SPMIP7: variants seen among roughly 807,000 people sequenced by gnomAD.
SPMIP7 encodes sperm microtubule inner protein 7.
chr7:50,100,550 C>T, the SPMIP7 span, among the ~76,000 whole-genome samples: 4 of 152,086 alleles, frequency 2.6e-5, no homozygotes, highest in Non-Finnish European at 4.4e-5. Context: ...CGGTGGCTCA[C>T]GCCTGTAATC....
the SPMIP7 span, chr7:50,120,312 G>A: frequency 6.6e-6 from 1 of 152,140 alleles, no homozygotes; most frequent in Non-Finnish European, 1.5e-5. Flanking sequence ...TATGGAACTT[G>A]AAGGTAATCC....
chr7:50,139,650 A>C, the SPMIP7 span, among the ~76,000 whole-genome samples: 1 of 152,238 alleles, frequency 6.6e-6, no homozygotes, highest in African/African-American at 2.4e-5. Context: ...GCACTGCCAC[A>C]TCTCAGAATT....
At chr7:50,124,203 G>A in the SPMIP7 span, among the ~76,000 whole-genome samples, 1 of 152,080 alleles carries the variant, frequency 6.6e-6, no homozygotes, top group Non-Finnish European at 1.5e-5. Flanking sequence ...AATCATAAAT[G>A]TATATGCATC....
the SPMIP7 span, among the ~76,000 whole-genome samples, chr7:50,119,155 T>C: frequency 2.0e-5 from 3 of 152,098 alleles, no homozygotes; most frequent in Admixed American, 2.0e-4. Flanking sequence ...GAAGAGACCA[T>C]ACCAAGTTCT....
chr7:50,152,471 A>G, the SPMIP7 span, among the ~76,000 whole-genome samples: 1,196 of 152,310 alleles, frequency 7.9e-3, 11 homozygotes, highest in Admixed American at 0.017. Context: ...AAAGCACCTG[A>G]TGGAATTCCT....
At chr7:50,121,605 T>C in the SPMIP7 span, among the ~76,000 whole-genome samples, 1 of 152,186 alleles carries the variant, frequency 6.6e-6, no homozygotes. Context: ...CACGAATCTT[T>C]TTTTTCTGCC....
chr7:50,096,041 A>G, the SPMIP7 span: 6 of 1,245,498 alleles, frequency 4.8e-6, no homozygotes, highest in South Asian at 9.3e-5. Context: ...TAAAGGAATT[A>G]TCAGAAATAC....
At chr7:50,112,288 T>C in the SPMIP7 span, among the ~76,000 whole-genome samples, 12 of 152,234 alleles carry the variant, frequency 7.9e-5, no homozygotes, top group East Asian at 2.1e-3. Flanking sequence ...TTGGAGGTCC[T>C]GAAGAGCAAA....
At chr7:50,125,115 T>TATATATATATATATACACAC in the SPMIP7 span, among the ~76,000 whole-genome samples, 3 of 25,420 alleles carry the variant, frequency 1.2e-4, no homozygotes, top group South Asian at 3.4e-3. Flanking sequence ...TATATATATA[T>TATATATATATATATACACAC]ACACACACAC....
chr7:50,112,007 A>G, the SPMIP7 span, among the ~76,000 whole-genome samples: 2 of 152,214 alleles, frequency 1.3e-5, no homozygotes, highest in African/African-American at 4.8e-5. Context: ...CATATTTTCA[A>G]ATAAGCCTTT....
the SPMIP7 span, among the ~76,000 whole-genome samples, chr7:50,098,300 A>G: frequency 6.6e-6 from 1 of 152,142 alleles, no homozygotes; most frequent in Non-Finnish European, 1.5e-5. Context: ...TTTATCATCT[A>G]CCAATTAACA....
chr7:50,115,588 T>C, the SPMIP7 span, among the ~76,000 whole-genome samples: 1 of 152,108 alleles, frequency 6.6e-6, no homozygotes, highest in African/African-American at 2.4e-5. Flanking sequence ...AAAATTAAAC[T>C]AGAACTCAAT....
At chr7:50,104,656 G>T in the SPMIP7 span, among the ~76,000 whole-genome samples, 6 of 151,964 alleles carry the variant, frequency 3.9e-5, no homozygotes, top group East Asian at 1.2e-3. Flanking sequence ...GATGCAGCTG[G>T]TGCCCATCAC....
chr7:50,134,383 TATACAC>T, the SPMIP7 span: 1 of 578,966 alleles, frequency 1.7e-6, no homozygotes, highest in Non-Finnish European at 2.8e-6. Context: ...AGTAAATATA[TATACAC>T]ACACACACAC....
At chr7:50,110,470 TA>T in the SPMIP7 span, among the ~76,000 whole-genome samples, 1 of 146,752 alleles carries the variant, frequency 6.8e-6, no homozygotes, top group Non-Finnish European at 1.5e-5. Flanking sequence ...ATGTGATATA[TA>T]TTTTTATATA....
chr7:50,112,293 A>C, the SPMIP7 span, among the ~76,000 whole-genome samples: 1 of 152,154 alleles, frequency 6.6e-6, no homozygotes, highest in African/African-American at 2.4e-5. Context: ...GGTCCTGAAG[A>C]GCAAAAACCA....
At chr7:50,125,138 A>T in the SPMIP7 span, among the ~76,000 whole-genome samples, 1 of 59,164 alleles carries the variant, frequency 1.7e-5, no homozygotes, top group African/African-American at 7.7e-5. Context: ...ACACACACAC[A>T]CACATATACA....
chr7:50,121,078 C>T, the SPMIP7 span, among the ~76,000 whole-genome samples: 10 of 152,096 alleles, frequency 6.6e-5, no homozygotes, highest in African/African-American at 2.4e-4. Context: ...ATCCTTTGTA[C>T]ATCAAAAGAT....
the SPMIP7 span, among the ~76,000 whole-genome samples, chr7:50,146,602 C>T: frequency 6.6e-6 from 1 of 152,194 alleles, no homozygotes; most frequent in Admixed American, 6.5e-5. Context: ...AAAATGATTC[C>T]AGTTTTATTT....
Sources: allele counts gnomAD v4.1 joint callset (sites outside exome capture counted in the v4.1 genomes callset), GRCh38; gene constraint gnomAD v4.1.1; transcripts MANE v1.5; gene names NCBI Gene and HGNC (gene_info 2026-07-23, HGNC 2026-07-21).